B4GALNT2: variants seen among roughly 807,000 people sequenced by gnomAD.
B4GALNT2 encodes the protein N-acetylneuraminylgalactosylglucosyl-glucoside beta-1,4-N- acetylgalactosaminyltransferase 2.
Under a neutral mutation model 51.1 loss-of-function variants are expected in B4GALNT2, and 42 were observed. The observed-to-expected ratio is 0.82, with a 90% CI of 0.64 to 1.06. B4GALNT2 has a LOEUF of 1.06. Among genes scored for constraint, B4GALNT2 ranks in the 50% least tolerant of loss-of-function variants. B4GALNT2 has a pLI of 0.00. For missense variants in B4GALNT2, 602 were observed against 633.6 expected (o/e 0.95, Z 0.54); for synonymous variants, 253 against 251.7 (o/e 1.01, Z -0.05).
At chr17:49,151,980 G>A (rs994058725) in intron 3 of B4GALNT2, among the ~76,000 whole-genome samples, 19 of 152,238 alleles carry the variant, frequency 1.2e-4, no homozygotes, top group African/African-American at 4.1e-4. Flanking sequence ...TGGTTCCCAC[G>A]AAGTTCAGAT....
At chr17:49,162,427 A>T (rs992656933) in intron 7 of B4GALNT2, among the ~76,000 whole-genome samples, 1 of 152,180 alleles carries the variant, frequency 6.6e-6, no homozygotes, top group African/African-American at 2.4e-5. Flanking sequence ...AGGGCTGGAA[A>T]AACAGCATAT....
At chr17:49,150,313 C>A (rs1424395730) in intron 3 of B4GALNT2, among the ~76,000 whole-genome samples, 1 of 151,174 alleles carries the variant, frequency 6.6e-6, no homozygotes, top group Non-Finnish European at 1.5e-5. Flanking sequence ...GTCAGCCCCC[C>A]CCGCCTGGCC....
At position 49,175,801 on chromosome 17, in the gene B4GALNT2, G is replaced by A. The variant is rs2042983708; in HGVS notation, c.*6073G>A. On this transcript the variant is annotated 3_prime_UTR_variant, in exon 11 of 11. Coordinates refer to ENST00000393354, the MANE Select transcript of B4GALNT2 (RefSeq NM_001159387.2). The stretch of plus-strand genomic sequence containing the variant: ...GAGGCACTGCTAGAACAGTCACTGG[G>A]GCAACTACTTTTCACCCAGTGTCCT... 6.6e-6 allele frequency: 1 copy of A among 152,110 alleles called. No homozygotes were observed. The highest frequency in any genetic ancestry group is 1.5e-5 in the Non-Finnish European group (1 of 68,028). 9.4% of individuals were successfully genotyped at this position (152,110 alleles called of 1,614,324 possible).
intron 1 of B4GALNT2, among the ~76,000 whole-genome samples, chr17:49,134,570 G>A (rs2042573316): frequency 6.6e-6 from 1 of 151,562 alleles, no homozygotes; most frequent in Non-Finnish European, 1.5e-5. Context: ...GCGCCACCAT[G>A]CCCAACTAAT....
At chr17:49,132,621 T>C (rs1448564767), upstream of B4GALNT2, 2 of 634,106 alleles carry the variant, frequency 3.2e-6, no homozygotes, top group Non-Finnish European at 4.6e-6. Context: ...AGGGTAGAGA[T>C]GGGGGCGCTG....
At chr17:49,156,474 G>T in intron 4 of B4GALNT2, 92 bp from the exon 5 acceptor site, 2 of 1,367,334 alleles carry the variant, frequency 1.5e-6, no homozygotes, top group Non-Finnish European at 2.1e-6. Flanking sequence ...AGCTCTCAAG[G>T]ATGTGCAGGA....
chr17:49,163,131 G>A (rs4438351), intron 7 of B4GALNT2, among the ~76,000 whole-genome samples: 28,897 of 151,904 alleles, frequency 0.19, 3,179 homozygotes, highest in East Asian at 0.51. Context: ...CCAGTTCTCC[G>A]TTTAGTGGCT....
At chr17:49,157,443 C>T (rs768486188) in intron 5 of B4GALNT2, among the ~76,000 whole-genome samples, 17 of 148,984 alleles carry the variant, frequency 1.1e-4, no homozygotes, top group South Asian at 2.2e-4. Context: ...GCCTCAGCCT[C>T]CCAAGTAGCT....
chr17:49,159,138 T>A lies in B4GALNT2; in HGVS notation c.600T>A (p.Ser200Arg). The change falls in exon 6 of 11, where the codon AGT (serine) becomes AGA (arginine). Residue 200 changes from serine (S) to arginine (R), a missense_variant. Coordinates refer to ENST00000393354, the MANE Select transcript of B4GALNT2 (RefSeq NM_001159387.2). ...AGAAGCAGCTGATCATTTCTACCAG[T>A]GACCGGAAGCTGTTGAAGTTCATTC... ...RGQKQLIISTSDRKLLKFILQ... is the reference protein window; with the variant it reads ...RGQKQLIISTRDRKLLKFILQ... 1 of 1,614,190 alleles carries A rather than the reference T, an allele frequency of 6.2e-7. No homozygotes were observed. The highest frequency in any genetic ancestry group is 8.5e-7 in the Non-Finnish European group (1 of 1,180,042).
chr17:49,161,934 C>G (rs2042868841), intron 7 of B4GALNT2, among the ~76,000 whole-genome samples: 2 of 150,920 alleles, frequency 1.3e-5, no homozygotes, highest in Admixed American at 6.6e-5. Context: ...ACTCAGAGAC[C>G]ATAAAGAAAA....
chr17:49,124,809 C>T, the B4GALNT2 span, among the ~76,000 whole-genome samples: 2 of 152,064 alleles, frequency 1.3e-5, no homozygotes, highest in African/African-American at 2.4e-5. Context: ...ATAATTTTTG[C>T]TAAGAGCAGG....
chr17:49,166,747 G>A (rs949248240), intron 9 of B4GALNT2, among the ~76,000 whole-genome samples: 3 of 152,138 alleles, frequency 2.0e-5, no homozygotes, highest in East Asian at 1.9e-4. Flanking sequence ...CAGGAGGATC[G>A]CTTGAGCCCA....
At position 49,168,877 on chromosome 17, in the gene B4GALNT2, G is replaced by T; in HGVS notation, c.1292G>T (p.Arg431Leu). 1.2e-6 allele frequency: 2 copies of T among 1,612,540 alleles called. No homozygotes were observed. Among genetic ancestry groups the T allele is most frequent in the South Asian group, 2.2e-5 (2 of 90,954 alleles). The change falls in exon 10 of 11, where the codon CGC becomes CTC. Residue 431 changes from arginine to leucine, a missense_variant. Coordinates refer to ENST00000393354, the MANE Select transcript of B4GALNT2 (RefSeq NM_001159387.2). ...ERLQRVGFDP[R>L]LQRVAHSEFF... ...CTCCAAAGAGTTGGCTTTGATCCCC[G>T]CCTGCAACGAGTGGCTCACTCAGGT...
upstream of B4GALNT2, among the ~76,000 whole-genome samples, chr17:49,129,135 G>C (rs536003593): frequency 6.6e-6 from 1 of 152,188 alleles, no homozygotes; most frequent in East Asian, 1.9e-4. Flanking sequence ...ATTGGCAAAG[G>C]GCCTCTTGGA....
chr17:49,169,005 C>G, intron 10 of B4GALNT2, 105 bp downstream of exon 10: 1 of 1,174,958 alleles, frequency 8.5e-7, no homozygotes, highest in East Asian at 2.6e-5. Context: ...AGTCGCTTGC[C>G]CAGTAGCAGT....
chr17:49,139,844 C>G (rs16946762), intron 1 of B4GALNT2, among the ~76,000 whole-genome samples: 13,649 of 151,680 alleles, frequency 0.09, 840 homozygotes, highest in Admixed American at 0.19. Flanking sequence ...ATTGTCAGAA[C>G]GTATGATCTG....
intron 4 of B4GALNT2, among the ~76,000 whole-genome samples, chr17:49,156,154 C>G (rs2042807744): frequency 6.6e-6 from 1 of 152,136 alleles, no homozygotes; most frequent in Non-Finnish European, 1.5e-5. Context: ...TGTACCCATC[C>G]AACTGAATTC....
At chr17:49,145,378 G>A (rs543444113) in intron 3 of B4GALNT2, among the ~76,000 whole-genome samples, 57 of 152,142 alleles carry the variant, frequency 3.7e-4, no homozygotes, top group African/African-American at 1.3e-3. Context: ...TAAATCTTAC[G>A]TCACATGATA....
chr17:49,131,097 C>T (rs548411756), upstream of B4GALNT2, among the ~76,000 whole-genome samples: 2 of 152,266 alleles, frequency 1.3e-5, no homozygotes, highest in South Asian at 2.1e-4. Flanking sequence ...CTCATAGGCT[C>T]AGTCTTCACA....
Sources: allele counts gnomAD v4.1 joint callset (sites outside exome capture counted in the v4.1 genomes callset), GRCh38; gene constraint gnomAD v4.1.1; transcripts MANE v1.5; gene names NCBI Gene and HGNC (gene_info 2026-07-23, HGNC 2026-07-21).